RAB11FIP4: variants seen among roughly 807,000 people sequenced by gnomAD.
The protein encoded by RAB11FIP4 is RAB11 family interacting protein 4.
In RAB11FIP4, 23 loss-of-function variants were observed where a neutral mutation model predicts 74.3. The observed-to-expected ratio is 0.31, with a 90% CI of 0.22 to 0.44. RAB11FIP4 has a LOEUF of 0.44. RAB11FIP4 is among the 20% of genes least tolerant of loss of function. The pLI, the probability that RAB11FIP4 is intolerant of heterozygous loss-of-function variation, is 1.00. For synonymous variants in RAB11FIP4, 360 were observed against 359.9 expected, an observed-to-expected ratio of 1.00 and a Z score of 0.00; for missense variants, 630 against 863.9, an observed-to-expected ratio of 0.73 and a Z score of 3.39.
At chr17:31,527,575 C>T in intron 10 of RAB11FIP4, 1 of 372,522 alleles carries the variant, frequency 2.7e-6, no homozygotes, top group Non-Finnish European at 4.8e-6. Flanking sequence ...GCCTGGGCAA[C>T]AGAGCAGGAC....
intron 4 of RAB11FIP4, 63 bp downstream of exon 4, chr17:31,517,940 A>C: frequency 7.5e-7 from 1 of 1,335,968 alleles, no homozygotes. Flanking sequence ...GGTTCTTGGA[A>C]AGTGTCTCCA....
chr17:31,474,892 A>C (rs989460303), intron 3 of RAB11FIP4, among the ~76,000 whole-genome samples: 2 of 151,754 alleles, frequency 1.3e-5, no homozygotes, highest in African/African-American at 4.8e-5. Flanking sequence ...CAAAAAAAAA[A>C]CAGAGATTCA....
chr17:31,518,396 T>A (rs1030920349), intron 4 of RAB11FIP4: 6 of 145,304 alleles, frequency 4.1e-5, no homozygotes, highest in African/African-American at 1.5e-4. Flanking sequence ...TACAAAGATG[T>A]CCATGAGATC....
intron 3 of RAB11FIP4, among the ~76,000 whole-genome samples, chr17:31,450,448 G>A (rs1364457410): frequency 2.0e-5 from 3 of 151,796 alleles, no homozygotes; most frequent in East Asian, 1.9e-4. Flanking sequence ...GGGTTCAAGC[G>A]ATTCTCCTGC....
Position 31,532,249 on chromosome 17 carries a change from CAGAG to C in RAB11FIP4, c.*520_*523del, listed in dbSNP as rs367699417. On this transcript the variant is annotated 3_prime_UTR_variant, in exon 15 of 15. Transcript: ENST00000621161. The stretch of plus-strand genomic sequence containing the variant: ...CCTTTCAAGCCCCAGTGTTCAAGCT[CAGAG>C]AGGATGAAGGGGCATCTGGAGGGTC... 28 of 156,208 alleles carry C rather than the reference CAGAG, an allele frequency of 1.8e-4. No individual in the cohort carries two copies. Among genetic ancestry groups the C allele is most frequent in the African/African-American group, 6.5e-4 (27 of 41,474 alleles). 9.7% of individuals were successfully genotyped at this position (156,208 alleles called of 1,614,324 possible).
intron 3 of RAB11FIP4, among the ~76,000 whole-genome samples, chr17:31,459,929 G>A (rs2071619038): frequency 1.3e-5 from 2 of 151,964 alleles, no homozygotes; most frequent in Non-Finnish European, 2.9e-5. Context: ...GCTCAGGACA[G>A]AAGTACACAG....
chr17:31,410,054 A>T (rs2071078831), intron 1 of RAB11FIP4, among the ~76,000 whole-genome samples: 1 of 152,126 alleles, frequency 6.6e-6, no homozygotes, highest in South Asian at 2.1e-4. Flanking sequence ...TCACCTGCGA[A>T]ATTGGGATGC....
chr17:31,484,039 A>G (rs1330969868), intron 3 of RAB11FIP4, among the ~76,000 whole-genome samples: 2 of 148,916 alleles, frequency 1.3e-5, no homozygotes, highest in African/African-American at 5.0e-5. Flanking sequence ...GTGCCACGGC[A>G]CTTCAGCCTA....
At chr17:31,525,753 A>G (rs2072755375) in intron 10 of RAB11FIP4, 1 of 160,524 alleles carries the variant, frequency 6.2e-6, no homozygotes, top group Non-Finnish European at 1.4e-5. Flanking sequence ...TGCCCCACAG[A>G]GCGGCTGTGT....
At position 31,521,170 on chromosome 17, in the gene RAB11FIP4, C is replaced by T. The variant is rs1036988759; in HGVS notation, c.568C>T (p.Leu190=). 6.3e-7 allele frequency: 1 copy of T among 1,575,914 alleles called. No homozygotes were observed. Among genetic ancestry groups the T allele is most frequent in the Non-Finnish European group, 8.7e-7 (1 of 1,156,038 alleles). The change falls in exon 5 of 15, where the codon CTG becomes TTG. Residue 190 remains leucine, a synonymous_variant. Coordinates refer to ENST00000621161, the MANE Select transcript of RAB11FIP4 (RefSeq NM_032932.6). ...TGGGTGCTCTCGGACCCTCAGGTCC[C>T]TGGTCCACACTCCATCCATGACGAC... ...GGLFLPEDKS[L]VHTPSMTTSD...
intron 1 of RAB11FIP4, among the ~76,000 whole-genome samples, chr17:31,416,253 C>A (rs909906548): frequency 6.6e-6 from 1 of 152,212 alleles, no homozygotes; most frequent in Admixed American, 6.5e-5. Flanking sequence ...CTTTCCACAA[C>A]CACATACCCC....
At chr17:31,511,243 G>T (rs1310141914) in intron 3 of RAB11FIP4, among the ~76,000 whole-genome samples, 1 of 152,164 alleles carries the variant, frequency 6.6e-6, no homozygotes, top group East Asian at 1.9e-4. Flanking sequence ...CTACTCCAGA[G>T]CTTGTCCTTA....
At chr17:31,427,335 G>A (rs146960536) in intron 1 of RAB11FIP4, among the ~76,000 whole-genome samples, 1 of 152,310 alleles carries the variant, frequency 6.6e-6, no homozygotes, top group African/African-American at 2.4e-5. Context: ...CTGTAGAGAG[G>A]TCACAGCCTG....
chr17:31,483,055 T>C (rs1001028185), intron 3 of RAB11FIP4, among the ~76,000 whole-genome samples: 3 of 151,806 alleles, frequency 2.0e-5, no homozygotes, highest in Non-Finnish European at 4.4e-5. Flanking sequence ...TAGCCAGGCG[T>C]GGTGTCATGC....
chr17:31,458,317 C>A (rs2071600124), intron 3 of RAB11FIP4, among the ~76,000 whole-genome samples: 1 of 152,208 alleles, frequency 6.6e-6, no homozygotes. Flanking sequence ...GGGAGCTGCG[C>A]ATCAGGAGCA....
At position 31,521,918 on chromosome 17, in the gene RAB11FIP4, G is replaced by T; in HGVS notation, c.762G>T (p.Ala254=). ...ATTCCTTTCCCTCATGAATCAGTGC[G>T]GGGCAGACGCCTAGGAAAATGCGGC... ...SDLGSSVSSS[A]GQTPRKMRHV... is the part of the protein sequence containing the mutation. Residue 254 remains alanine, a synonymous_variant, in exon 6 of 15, where the codon GCG becomes GCT. Transcript: ENST00000621161. 6.2e-7 allele frequency: 1 copy of T among 1,614,156 alleles called. No homozygotes were observed. The highest frequency in any genetic ancestry group is 8.5e-7 in the Non-Finnish European group (1 of 1,180,022).
intron 5 of RAB11FIP4, 178 bp from the exon 6 acceptor site, chr17:31,521,737 C>T: frequency 1.4e-6 from 1 of 704,808 alleles, no homozygotes; most frequent in Admixed American, 2.9e-5. Context: ...GCCTCACTGG[C>T]TTCTCTTTGA....
chr17:31,521,871 C>T (rs376041174), intron 5 of RAB11FIP4, 44 bp from the exon 6 acceptor site: 1 of 1,611,804 alleles, frequency 6.2e-7, no homozygotes, highest in African/African-American at 1.3e-5. Flanking sequence ...GGGCACCAGA[C>T]TGGACAGCAG....
intron 10 of RAB11FIP4, chr17:31,527,133 A>T (rs370657882): frequency 6.6e-6 from 1 of 152,286 alleles, no homozygotes; most frequent in African/African-American, 2.4e-5. Flanking sequence ...ATGAAAAGCC[A>T]ATATGATCAT....
Sources: allele counts gnomAD v4.1 joint callset (sites outside exome capture counted in the v4.1 genomes callset), GRCh38; gene constraint gnomAD v4.1.1; transcripts MANE v1.5; gene names NCBI Gene and HGNC (gene_info 2026-07-23, HGNC 2026-07-21).